The following NKAIN2 variants were observed in gnomAD, a reference collection of about 807,000 sequenced individuals.
NKAIN2 encodes the protein sodium/potassium transporting ATPase interacting 2.
In NKAIN2, 14 loss-of-function variants were observed where a neutral mutation model predicts 32.6. The ratio of observed to expected loss-of-function variants is 0.43; its 90% confidence interval spans 0.28 to 0.67. The LOEUF is 0.67. Among genes scored for constraint, NKAIN2 ranks in the 30% least tolerant of loss-of-function variants. The pLI is 0.17. For missense variants in NKAIN2, 198 were observed against 258.3 expected, an observed-to-expected ratio of 0.77 and a Z score of 1.60; for synonymous variants, 80 against 87.2, an observed-to-expected ratio of 0.92 and a Z score of 0.46.
At chr6:124,634,714 T>C (rs970593602) in intron 3 of NKAIN2, among the ~76,000 whole-genome samples, 1 of 152,024 alleles carries the variant, frequency 6.6e-6, no homozygotes, top group African/African-American at 2.4e-5. Context: ...AGAAGAGATA[T>C]AGACATCCAG....
At chr6:124,530,849 C>T (rs996879521) in intron 3 of NKAIN2, among the ~76,000 whole-genome samples, 72 of 152,168 alleles carry the variant, frequency 4.7e-4, no homozygotes, top group African/African-American at 1.7e-3. Flanking sequence ...ATCGAAGGGT[C>T]GAAGAAAATG....
intron 1 of NKAIN2, among the ~76,000 whole-genome samples, chr6:124,012,986 C>T (rs994894632): frequency 3.9e-5 from 6 of 152,152 alleles, no homozygotes; most frequent in Non-Finnish European, 7.4e-5. Flanking sequence ...TACCTCCCCG[C>T]CAACATTTGA....
chr6:124,811,671 C>A (rs1435546613), intron 5 of NKAIN2, among the ~76,000 whole-genome samples: 1 of 152,070 alleles, frequency 6.6e-6, no homozygotes, highest in Non-Finnish European at 1.5e-5. Context: ...CATACCCACA[C>A]TGCAGATAAG....
intron 1 of NKAIN2, among the ~76,000 whole-genome samples, chr6:123,915,173 C>T (rs1490360): frequency 0.34 from 51,217 of 151,996 alleles, 9,353 homozygotes; most frequent in East Asian, 0.64. Context: ...TCTTGCTCAA[C>T]GCAAAAATCT....
At chr6:124,037,401 A>G (rs889149943) in intron 1 of NKAIN2, among the ~76,000 whole-genome samples, 5 of 152,120 alleles carry the variant, frequency 3.3e-5, no homozygotes, top group African/African-American at 9.7e-5. Context: ...CTCTTCTTGA[A>G]TGTCATAAAT....
intron 1 of NKAIN2, among the ~76,000 whole-genome samples, chr6:124,150,332 A>G (rs1197214765): frequency 6.6e-6 from 1 of 152,204 alleles, no homozygotes. Context: ...TGTATTGAAA[A>G]GAAAGTCTCC....
At chr6:124,312,280 A>G (rs1796751628) in intron 2 of NKAIN2, among the ~76,000 whole-genome samples, 1 of 152,144 alleles carries the variant, frequency 6.6e-6, no homozygotes, top group Non-Finnish European at 1.5e-5. Flanking sequence ...TCTGCTGCAG[A>G]CACCAGCTAG....
At chr6:124,204,334 C>T (rs1359754339) in intron 1 of NKAIN2, among the ~76,000 whole-genome samples, 1 of 151,726 alleles carries the variant, frequency 6.6e-6, no homozygotes, top group Admixed American at 6.6e-5. Context: ...CATATTAAGA[C>T]ATGAAATAAG....
chr6:123,992,898 A>G (rs1779471945), intron 1 of NKAIN2, among the ~76,000 whole-genome samples: 1 of 152,200 alleles, frequency 6.6e-6, no homozygotes, highest in South Asian at 2.1e-4. Flanking sequence ...AAATAGCTAT[A>G]TGTCAAAACT....
At chr6:124,492,358 C>A (rs1349756444) in intron 3 of NKAIN2, among the ~76,000 whole-genome samples, 1 of 151,834 alleles carries the variant, frequency 6.6e-6, no homozygotes, top group Non-Finnish European at 1.5e-5. Flanking sequence ...CATCTTCCTG[C>A]CTAGAGTTCA....
rs141538041 is a variant in NKAIN2, at chr6:124,080,390, C to G, written c.55-202615C>G. 2.0e-3 allele frequency among the ~76,000 whole-genome samples: 297 copies of G among 152,194 alleles called. 2 individuals are homozygous for G. Among genetic ancestry groups the G allele is most frequent in the African/African-American group, 6.8e-3 (283 of 41,550 alleles). ...CTCAATATACGTGAGTTACAGTTTTCATTGTTTTCTTACTTAAATCATTTT... is the reference window on the plus strand; with the variant it reads ...CTCAATATACGTGAGTTACAGTTTTGATTGTTTTCTTACTTAAATCATTTT... On this transcript the variant is annotated intron_variant, in intron 1 of 6. Coordinates refer to ENST00000368417, the MANE Select transcript of NKAIN2 (RefSeq NM_001040214.3).
chr6:124,811,420 T>C (rs538386323), intron 5 of NKAIN2, among the ~76,000 whole-genome samples: 27 of 152,174 alleles, frequency 1.8e-4, no homozygotes, highest in Non-Finnish European at 3.7e-4. Context: ...TTTGCTGAAC[T>C]CAGTGTTCAT....
intron 3 of NKAIN2, among the ~76,000 whole-genome samples, chr6:124,607,869 G>C (rs888811253): frequency 3.9e-5 from 6 of 151,974 alleles, no homozygotes; most frequent in African/African-American, 1.5e-4. Flanking sequence ...AATTATATAA[G>C]ACATTTCTTT....
At position 124,658,401 on chromosome 6, in the gene NKAIN2, C is replaced by T. The variant is rs771118857; in HGVS notation, c.474+15C>T. 5 of 1,613,912 alleles carry T rather than the reference C, an allele frequency of 3.1e-6. No homozygotes were observed. The highest frequency in any genetic ancestry group is 4.2e-6 in the Non-Finnish European group (5 of 1,180,002). On this transcript the variant is annotated intron_variant, in intron 4 of 6. Coordinates refer to ENST00000368417, the MANE Select transcript of NKAIN2 (RefSeq NM_001040214.3). ...TTGTCCTCGCAGTAAGTGTTGGCAG[C>T]CAACCGCTCCTTCTAGTGCCTCTGG...
At chr6:123,852,598 G>A (rs902917116) in intron 1 of NKAIN2, among the ~76,000 whole-genome samples, 3 of 152,164 alleles carry the variant, frequency 2.0e-5, no homozygotes, top group African/African-American at 7.2e-5. Flanking sequence ...CCATAATGTG[G>A]AATTAACCTA....
intron 3 of NKAIN2, among the ~76,000 whole-genome samples, chr6:124,398,252 CAAAAAAAAAAAA>C (rs869039720): frequency 4.5e-4 from 31 of 69,072 alleles, no homozygotes; most frequent in African/African-American, 1.9e-3. Context: ...GACTGCATCT[CAAAAAAAAAAAA>C]AAAAAAAAAA....
intron 3 of NKAIN2, among the ~76,000 whole-genome samples, chr6:124,649,340 C>G (rs1454157734): frequency 6.6e-6 from 1 of 152,012 alleles, no homozygotes; most frequent in African/African-American, 2.4e-5. Flanking sequence ...ATATTGTTAA[C>G]AATTCTATAT....
chr6:124,591,789 T>TA (rs763982107), intron 3 of NKAIN2, among the ~76,000 whole-genome samples: 2 of 152,048 alleles, frequency 1.3e-5, no homozygotes, highest in Admixed American at 6.6e-5. Flanking sequence ...CTTTGAGATT[T>TA]AAAAAAAGGA....
chr6:124,108,146 C>T (rs1785204381), intron 1 of NKAIN2, among the ~76,000 whole-genome samples: 2 of 152,088 alleles, frequency 1.3e-5, no homozygotes, highest in African/African-American at 4.8e-5. Flanking sequence ...CCACAGTGTA[C>T]AAGAGTTCCA....
Sources: gnomAD v4.1 joint callset for allele counts (sites outside exome capture counted in the v4.1 genomes callset) on GRCh38, gnomAD v4.1.1 for gene constraint, MANE v1.5 for transcripts, NCBI Gene and HGNC (gene_info 2026-07-23, HGNC 2026-07-21) for gene names.